The following SLCO3A1 variants were observed in gnomAD, a reference collection of about 807,000 sequenced individuals.
SLCO3A1 encodes the protein solute carrier organic anion transporter family member 3A1.
SLCO3A1 carries 27 observed loss-of-function variants against 63.1 expected under a neutral mutation model. That is an observed-to-expected ratio of 0.43 (90% CI 0.32 to 0.59). SLCO3A1 has a LOEUF of 0.59. SLCO3A1 is among the 20% of genes least tolerant of loss of function. The pLI is 0.09. For missense variants in SLCO3A1, 773 were observed against 945.8 expected, an observed-to-expected ratio of 0.82 and a Z score of 2.40; for synonymous variants, 473 against 409.9, an observed-to-expected ratio of 1.15 and a Z score of -1.86.
chr15:92,107,127 G>A (rs1035095601), intron 4 of SLCO3A1, among the ~76,000 whole-genome samples: 2 of 152,164 alleles, frequency 1.3e-5, no homozygotes, highest in African/African-American at 2.4e-5. Flanking sequence ...TCTGGGACCC[G>A]CGAGGCCATA....
At position 92,132,661 on chromosome 15, in the gene SLCO3A1, AAGTCAGTATG is replaced by A. The variant is rs2048187623; in HGVS notation, c.1512+4177_1512+4186del. ...CCATCAGCCACCAATAGAATGTTGA[AAGTCAGTATG>A]AGTCCAGCACTGCAGTTTGTAGGGT... On this transcript the variant is annotated intron_variant, in intron 7 of 9. Transcript: ENST00000318445. Among the ~76,000 whole-genome samples, 2 of 145,460 alleles carry A rather than the reference AAGTCAGTATG, an allele frequency of 1.4e-5. 1 individual carries two copies. The highest frequency in any genetic ancestry group is 1.4e-4 in the Admixed American group (2 of 14,644).
At position 92,144,021 on chromosome 15, in the gene SLCO3A1, C is replaced by T. The variant is rs1439165959; in HGVS notation, c.1513-2963C>T. On this transcript the variant is annotated intron_variant, in intron 7 of 9. Transcript: ENST00000318445. The stretch of plus-strand genomic sequence containing the variant: ...TCAGCAGGGTAGGCAGAAAAGAAGG[C>T]GGCGCCAAGTCGGGAGTGCTGGGAC... Among the ~76,000 whole-genome samples the T allele has an allele frequency of 7.9e-5, 12 of 152,322 alleles. No homozygotes were observed. In the East Asian group the frequency reaches 1.9e-3, roughly 24 times the overall value.
At chr15:92,011,545 T>C (rs1294549373) in intron 2 of SLCO3A1, among the ~76,000 whole-genome samples, 3 of 152,240 alleles carry the variant, frequency 2.0e-5, no homozygotes, top group Non-Finnish European at 4.4e-5. Context: ...CAGAGAGGCT[T>C]ACCTGGGTCA....
chr15:92,009,595 G>T (rs561971276), intron 2 of SLCO3A1, among the ~76,000 whole-genome samples: 3 of 152,212 alleles, frequency 2.0e-5, no homozygotes, highest in African/African-American at 4.8e-5. Context: ...ACTATGATCT[G>T]TGTGATCTTA....
chr15:92,086,321 C>T (rs1596086998), intron 2 of SLCO3A1, among the ~76,000 whole-genome samples: 1 of 152,152 alleles, frequency 6.6e-6, no homozygotes, highest in Non-Finnish European at 1.5e-5. Context: ...GAAACACACT[C>T]GTATTTAATT....
rs1014154489 is a variant in SLCO3A1, at chr15:92,074,778, C to T, written c.647-20103C>T. 3.6e-5 allele frequency among the ~76,000 whole-genome samples: 3 copies of T among 84,392 alleles called. No homozygotes were observed. The South Asian group carries it at 9.8e-4, about 28-fold the overall frequency. The allele number at this position is 84,392 out of a possible 152,430, so 55.4% of individuals were successfully genotyped here. ...ATCTCGAGAGAGCTGACAAGCAGGG[C>T]GGTGGGGGGTGGCCAGGAGCTGACA... On this transcript the variant is annotated intron_variant, in intron 2 of 9. Coordinates refer to ENST00000318445, the MANE Select transcript of SLCO3A1 (RefSeq NM_013272.4).
chr15:92,170,424 G>C (rs1378642799), downstream of SLCO3A1, among the ~76,000 whole-genome samples: 1 of 152,184 alleles, frequency 6.6e-6, no homozygotes, highest in Non-Finnish European at 1.5e-5. Flanking sequence ...TACGAGGTAA[G>C]TATATATTCT....
chr15:92,147,839 A>G (rs944261642), intron 8 of SLCO3A1, among the ~76,000 whole-genome samples: 4 of 152,160 alleles, frequency 2.6e-5, no homozygotes, highest in Non-Finnish European at 5.9e-5. Context: ...TCATTTGCAG[A>G]GTTACCTAGA....
chr15:91,986,662 G>A (rs796936684), intron 2 of SLCO3A1, among the ~76,000 whole-genome samples: 1 of 152,112 alleles, frequency 6.6e-6, no homozygotes, highest in African/African-American at 2.4e-5. Flanking sequence ...GTTCAGACCA[G>A]CTGCATTGGT....
chr15:92,143,126 A>G (rs1390901431), intron 7 of SLCO3A1, among the ~76,000 whole-genome samples: 2 of 150,532 alleles, frequency 1.3e-5, no homozygotes, highest in East Asian at 2.0e-4. Flanking sequence ...TTCCTGGGGT[A>G]CTTAGCCAAA....
chr15:92,055,040 A>G lies in SLCO3A1; in HGVS notation c.647-39841A>G, dbSNP rs763293613. ...AGGAATCGCCACACTGTCTTCTACC[A>G]TGGTTGAACTAGTTTACATTCCCAC... On this transcript the variant is annotated intron_variant, in intron 2 of 9. Coordinates refer to ENST00000318445, the MANE Select transcript of SLCO3A1 (RefSeq NM_013272.4). Among the ~76,000 whole-genome samples, 3 of 152,210 alleles carry G rather than the reference A, an allele frequency of 2.0e-5. No individual in the cohort carries two copies. The East Asian group carries it at 5.8e-4, about 29-fold the overall frequency.
chr15:91,905,497 T>G (rs1265352318), intron 1 of SLCO3A1, among the ~76,000 whole-genome samples: 1 of 152,182 alleles, frequency 6.6e-6, no homozygotes, highest in Non-Finnish European at 1.5e-5. Context: ...TTAATTTAGT[T>G]ATTTTGATTG....
At position 91,857,032 on chromosome 15, in the gene SLCO3A1, G is replaced by GTGTGTC. The variant is rs1491026166; in HGVS notation, c.180+2949_180+2950insCTGTGT. On this transcript the variant is annotated intron_variant, in intron 1 of 9. Transcript: ENST00000318445. The stretch of plus-strand genomic sequence containing the variant: ...AGCAACTTTGAGAAGGAGGACTCGT[G>GTGTGTC]TGTGTGTGTGTGTGTGTGTGTGTGT... Among the ~76,000 whole-genome samples, 13 of 29,298 alleles carry GTGTGTC rather than the reference G, an allele frequency of 4.4e-4. No individual in the cohort carries two copies. The African/African-American group carries it at 5.8e-3, about 13-fold the overall frequency. The allele number at this position is 29,298 out of a possible 152,430, so 19.2% of individuals were successfully genotyped here.
chr15:92,100,084 A>G (rs1388162089), intron 3 of SLCO3A1, among the ~76,000 whole-genome samples: 1 of 151,702 alleles, frequency 6.6e-6, no homozygotes. Flanking sequence ...AAAACAAAAA[A>G]CAAAAAAACG....
chr15:92,021,842 A>AGGGAGGCTGT (rs2046513248), intron 2 of SLCO3A1, among the ~76,000 whole-genome samples: 1 of 151,934 alleles, frequency 6.6e-6, no homozygotes, highest in Non-Finnish European at 1.5e-5. Flanking sequence ...GGGACGCCCG[A>AGGGAGGCTGT]GGGAGGCTGT....
chr15:91,958,136 T>C (rs2151419245), intron 2 of SLCO3A1, among the ~76,000 whole-genome samples: 1 of 152,350 alleles, frequency 6.6e-6, no homozygotes, highest in East Asian at 1.9e-4. Flanking sequence ...GAAATTTAGG[T>C]ATGTCATGAA....
chr15:92,000,413 AAAAG>A (rs980588453), intron 2 of SLCO3A1, among the ~76,000 whole-genome samples: 2 of 152,020 alleles, frequency 1.3e-5, no homozygotes, highest in African/African-American at 4.8e-5. Flanking sequence ...TAAAAAAAAA[AAAAG>A]AATCTGGGGA....
chr15:92,025,238 T>A (rs375666449), intron 2 of SLCO3A1, among the ~76,000 whole-genome samples: 3 of 152,170 alleles, frequency 2.0e-5, no homozygotes, highest in Non-Finnish European at 2.9e-5. Flanking sequence ...AGTGGTATTT[T>A]CACTTGCAAG....
rs975996547 is a variant in SLCO3A1 at position 91,954,904 on chromosome 15, C to T, written c.646+38446C>T. On this transcript the variant is annotated intron_variant, in intron 2 of 9. Coordinates refer to ENST00000318445, the MANE Select transcript of SLCO3A1 (RefSeq NM_013272.4). The surrounding 1 kb of genome is among the most constrained non-coding windows in gnomAD (Gnocchi z 4.7). The stretch of plus-strand genomic sequence containing the variant: ...TGGACAGCACCACCCCTCCTAATTC[C>T]TAGGAATTAGGCCCTTCTTGGCTCT... Among the ~76,000 whole-genome samples, 1 of 152,134 alleles carries T rather than the reference C, an allele frequency of 6.6e-6. No individual in the cohort carries two copies. Among genetic ancestry groups the T allele is most frequent in the Admixed American group, 6.5e-5 (1 of 15,270 alleles).
Sources: allele counts gnomAD v4.1 joint callset (sites outside exome capture counted in the v4.1 genomes callset), GRCh38; gene constraint gnomAD v4.1.1; non-coding constraint Gnocchi (gnomAD v3.1); transcripts MANE v1.5; gene names NCBI Gene and HGNC (gene_info 2026-07-23, HGNC 2026-07-21).